GUCY1B1: variants seen among roughly 807,000 people sequenced by gnomAD.
GUCY1B1 encodes the protein guanylate cyclase 1 soluble subunit beta 1.
Under a neutral mutation model 71.0 loss-of-function variants are expected in GUCY1B1, and 43 were observed. The ratio of observed to expected loss-of-function variants is 0.61; its 90% CI spans 0.47 to 0.78. The LOEUF is 0.78. GUCY1B1 is among the 30% of genes least tolerant of loss of function. The probability of loss-of-function intolerance (pLI) is 0.00; values close to 1 mark genes in which losing one functional copy is unlikely to be tolerated. For missense variants in GUCY1B1, 535 were observed against 754.1 expected (o/e 0.71, Z 3.40); for synonymous variants, 266 against 259.7 (o/e 1.02, Z -0.23).
chr4:155,799,880 C>T lies in GUCY1B1; in HGVS notation c.981C>T (p.Val327=). The T allele has an allele frequency of 1.2e-6, 2 of 1,601,362 alleles. No individual in the cohort carries two copies. Among genetic ancestry groups the T allele is most frequent in the Non-Finnish European group, 1.7e-6 (2 of 1,169,904 alleles). ...GCCTCATTTCTCCATATGACAGTGT[C>T]ATGAACCTGGACGATTTGACAAGGA... The part of the protein sequence containing the change: ...DSILFLCSPS[V]MNLDDLTRRG... The change falls in exon 9 of 14, where the codon GTC becomes GTT. Residue 327 remains valine, a synonymous_variant. Transcript: ENST00000264424.
Position 155,789,872 on chromosome 4 carries a change from A to G in GUCY1B1, c.456A>G (p.Thr152=), listed in dbSNP as rs372247225. 7.4e-6 allele frequency: 12 copies of G among 1,613,044 alleles called. No homozygotes were observed. The African/African-American group carries it at 1.5e-4, about 20-fold the overall frequency. Residue 152 remains threonine (T), a synonymous_variant, in exon 5 of 14, where the codon ACA becomes ACG. Transcript: ENST00000264424. The part of the protein sequence containing the change: ...LQDIVIGIIK[T]VAQQIHGTEI... ...ATATTGTCATTGGAATCATCAAAAC[A>G]GTGGCACAACAAATCCATGGCACTG...
rs1413977295 is a variant in GUCY1B1, at chr4:155,803,662, T to A, written c.1452T>A (p.Gly484=). The change falls in exon 11 of 14, where the codon GGT becomes GGA. Residue 484 remains glycine (G), a synonymous_variant. Coordinates refer to ENST00000264424, the MANE Select transcript of GUCY1B1 (RefSeq NM_000857.5). ...TVGDKYMTVS[G]LPEPCIHHAR... is the part of the protein sequence containing the mutation. Reference sequence around the variant, plus strand: ...GTGACAAGTATATGACAGTGAGTGGTTTACCAGAGCCATGCATTCACCATG... The same window carrying A: ...GTGACAAGTATATGACAGTGAGTGGATTACCAGAGCCATGCATTCACCATG... The A allele has an allele frequency of 6.2e-7, 1 of 1,605,682 alleles. No individual in the cohort carries two copies. The highest frequency in any genetic ancestry group is 1.7e-5 in the Admixed American group (1 of 58,962).
chr4:155,775,550 T>A (rs1490430894), intron 3 of GUCY1B1, among the ~76,000 whole-genome samples: 1 of 152,156 alleles, frequency 6.6e-6, no homozygotes, highest in African/African-American at 2.4e-5. Context: ...TGGCTCAGCC[T>A]CCGAAAGTGC....
intron 5 of GUCY1B1, among the ~76,000 whole-genome samples, chr4:155,791,269 C>T (rs1425953981): frequency 1.7e-4 from 26 of 151,510 alleles, no homozygotes; most frequent in Admixed American, 1.7e-3. Context: ...CCCCCACCAC[C>T]ACGCCCGGCT....
rs1179644854 is a variant in GUCY1B1, at chr4:155,760,408, C to G, written c.77+548C>G. ...GAAAATTGGAAGTTTTTTGTTTTCC[C>G]CAAATCCCACTGCCCACCCCCCCCG... is the stretch of plus-strand genomic sequence containing the variant. On this transcript the variant is annotated intron_variant, in intron 2 of 13. Transcript: ENST00000264424. Among the ~76,000 whole-genome samples the G allele has an allele frequency of 2.0e-5, 3 of 151,850 alleles. No homozygotes were observed. The East Asian group carries it at 5.8e-4, about 29-fold the overall frequency.
chr4:155,798,736 G>C lies in GUCY1B1; in HGVS notation c.978-1141G>C, dbSNP rs149218385. On this transcript the variant is annotated intron_variant, in intron 8 of 13. Coordinates refer to ENST00000264424, the MANE Select transcript of GUCY1B1 (RefSeq NM_000857.5). ...GACATAACTAAATTTTTTCCTTTTA[G>C]AGTAATTATTATTCAGAGTGGCCAG... Among the ~76,000 whole-genome samples, 37 of 152,072 alleles carry C rather than the reference G, an allele frequency of 2.4e-4. No homozygotes were observed. In the East Asian group the frequency reaches 6.8e-3, roughly 28 times the overall value.
chr4:155,795,789 G>T lies in GUCY1B1; in HGVS notation c.843+332G>T, dbSNP rs555755658. Among the ~76,000 whole-genome samples the T allele has an allele frequency of 6.6e-3, 891 of 135,132 alleles. 9 individuals carry two copies. Among genetic ancestry groups the T allele is most frequent in the Middle Eastern group, 0.017 (5 of 286 alleles). 88.7% of individuals were successfully genotyped at this position (135,132 alleles called of 152,430 possible). ...AGAACTAAAAAGGATTTTTTTTTTT[G>T]GAACTTCACTCAAAACCACTTATTT... On this transcript the variant is annotated intron_variant, in intron 7 of 13. Transcript: ENST00000264424.
intron 9 of GUCY1B1, among the ~76,000 whole-genome samples, chr4:155,801,541 G>C (rs962244635): frequency 2.0e-5 from 3 of 152,132 alleles, no homozygotes; most frequent in Non-Finnish European, 4.4e-5. Flanking sequence ...AACATTGAGA[G>C]CTCAGCTCCA....
At chr4:155,768,174 C>T (rs1042149836) in intron 2 of GUCY1B1, among the ~76,000 whole-genome samples, 6 of 152,044 alleles carry the variant, frequency 3.9e-5, no homozygotes, top group Non-Finnish European at 5.9e-5. Context: ...CAAAATACTC[C>T]ATGGAAAACT....
chr4:155,803,576 C>G (rs1165906587), intron 10 of GUCY1B1, 48 bp from the exon 11 acceptor site: 1 of 1,305,060 alleles, frequency 7.7e-7, no homozygotes, highest in Non-Finnish European at 1.0e-6. Context: ...ATAAATGAAA[C>G]AGTCTTTTTT....
At position 155,805,255 on chromosome 4, in the gene GUCY1B1, C is replaced by T. The variant is rs372540360; in HGVS notation, c.1836+26C>T. ...GTATGACTAATCAAAGTGTAATTTG[C>T]GTACTTAAGACAGAGTATAAGTATG... On this transcript the variant is annotated intron_variant, in intron 13 of 13. Coordinates refer to ENST00000264424, the MANE Select transcript of GUCY1B1 (RefSeq NM_000857.5). 60 of 1,584,542 alleles carry T rather than the reference C, an allele frequency of 3.8e-5. No homozygotes were observed. In the Middle Eastern group the frequency reaches 1.3e-3, roughly 35 times the overall value.
intron 5 of GUCY1B1, among the ~76,000 whole-genome samples, chr4:155,791,565 C>G (rs1235957324): frequency 6.7e-6 from 1 of 150,130 alleles, no homozygotes; most frequent in Non-Finnish European, 1.5e-5. Context: ...CCCGTCTCTA[C>G]TAAAAATACT....
At chr4:155,794,174 T>C (rs1739383331) in intron 6 of GUCY1B1, 88 bp downstream of exon 6, 5 of 701,106 alleles carry the variant, frequency 7.1e-6, no homozygotes, top group Non-Finnish European at 1.2e-5. Context: ...CATTTAACCC[T>C]CTGACTATGT....
In GUCY1B1 at chr4:155,793,991, T is replaced by C; in HGVS notation, c.631T>C (p.Tyr211His). The C allele has an allele frequency of 1.2e-6, 2 of 1,612,430 alleles. No individual in the cohort carries two copies. The highest frequency in any genetic ancestry group is 2.2e-5 in the East Asian group (1 of 44,858). ...NGTQESRISPYTFCKAFPFHI... is the reference protein window; with the variant it reads ...NGTQESRISPHTFCKAFPFHI... ...TACCCAGGAATCACGCATCAGCCCA[T>C]ATACATTCTGCAAAGCTTTTCCTTT... Residue 211 changes from tyrosine to histidine, a missense_variant, in exon 6 of 14, where the codon TAT (tyrosine) becomes CAT (histidine). Coordinates refer to ENST00000264424, the MANE Select transcript of GUCY1B1 (RefSeq NM_000857.5).
chr4:155,801,030 C>G (rs1472488077), intron 9 of GUCY1B1, among the ~76,000 whole-genome samples: 2 of 152,102 alleles, frequency 1.3e-5, no homozygotes, highest in African/African-American at 2.4e-5. Flanking sequence ...CTATAAATAA[C>G]ATAGCCTTTA....
rs1736746795 is a variant in GUCY1B1 at position 155,759,052 on chromosome 4, T to G, written c.-89T>G. ...GCTCGATGCTGCCTCCCCGGCCCGGTTGCGCTGTAGCCGCTGCCGCCTCTG... is the reference window on the plus strand; with the variant it reads ...GCTCGATGCTGCCTCCCCGGCCCGGGTGCGCTGTAGCCGCTGCCGCCTCTG... On this transcript the variant is annotated 5_prime_UTR_variant, in exon 1 of 14. Coordinates refer to ENST00000264424, the MANE Select transcript of GUCY1B1 (RefSeq NM_000857.5). 2.2e-6 allele frequency: 3 copies of G among 1,383,978 alleles called. No individual in the cohort carries two copies. Among genetic ancestry groups the G allele is most frequent in the Non-Finnish European group, 2.0e-6 (2 of 998,718 alleles). The allele number at this position is 1,383,978 out of a possible 1,614,324, so 85.7% of individuals were successfully genotyped here.
rs374689935 is a variant in GUCY1B1 at position 155,792,197 on chromosome 4, AACC to A, written c.496-1656_496-1654del. Among the ~76,000 whole-genome samples the A allele has an allele frequency of 6.4e-4, 97 of 152,298 alleles. 1 individual carries two copies. In the South Asian group the frequency reaches 0.02, roughly 31 times the overall value. Reference sequence around the variant, plus strand: ...AGGTCCAGAGATACCAGACAATTTGAACCACATGGTTAATACTAGATCATGTCA... The same window carrying A: ...AGGTCCAGAGATACCAGACAATTTGAACATGGTTAATACTAGATCATGTCA... On this transcript the variant is annotated intron_variant, in intron 5 of 13. Coordinates refer to ENST00000264424, the MANE Select transcript of GUCY1B1 (RefSeq NM_000857.5).
chr4:155,774,958 T>C lies in GUCY1B1; in HGVS notation c.78-10T>C, dbSNP rs748639137. The stretch of plus-strand genomic sequence containing the variant: ...TTTTCTCTTCTGTCTTTCTTGTTTT[T>C]GTTTTCCAGAAAAGAGGCACAGTTA... On this transcript the variant is annotated splice_polypyrimidine_tract_variant and intron_variant, in intron 2 of 13. Transcript: ENST00000264424. The C allele has an allele frequency of 8.4e-6, 12 of 1,420,522 alleles. No individual in the cohort carries two copies. Among genetic ancestry groups the C allele is most frequent in the Middle Eastern group, 1.7e-4 (1 of 5,720 alleles). 88.0% of individuals were successfully genotyped at this position (1,420,522 alleles called of 1,614,324 possible). A position where few individuals can be genotyped will look rare whatever the true frequency, so the allele number is the denominator to read the frequency against.
chr4:155,767,871 A>G (rs1737445395), intron 2 of GUCY1B1, among the ~76,000 whole-genome samples: 1 of 152,132 alleles, frequency 6.6e-6, no homozygotes. Flanking sequence ...GTTACTATCC[A>G]CAGTTTATAG....
Sources: gnomAD v4.1 joint callset for allele counts (sites outside exome capture counted in the v4.1 genomes callset) on GRCh38, gnomAD v4.1.1 for gene constraint, MANE v1.5 for transcripts, NCBI Gene and HGNC (gene_info 2026-07-23, HGNC 2026-07-21) for gene names.